FHIT: variants seen among roughly 807,000 people sequenced by gnomAD.
FHIT encodes fragile histidine triad diadenosine triphosphatase.
In FHIT, 19 loss-of-function variants were observed where a neutral mutation model predicts 17.9. The ratio of observed to expected loss-of-function variants is 1.06; its 90% CI spans 0.74 to 1.56. The LOEUF is 1.56. Ranked by LOEUF, FHIT falls within the 40% of genes most tolerant of loss-of-function variation. FHIT has a pLI of 0.00. For missense variants in FHIT, 248 were observed against 189.2 expected, an observed-to-expected ratio of 1.31 and a Z score of -1.82; for synonymous variants, 81 against 69.7, an observed-to-expected ratio of 1.16 and a Z score of -0.81.
chr3:60,927,121 T>C (rs1215714251), intron 3 of FHIT, among the ~76,000 whole-genome samples: 1 of 152,198 alleles, frequency 6.6e-6, no homozygotes. Flanking sequence ...TGCCTCAGCC[T>C]GCCGAGTGCC....
chr3:60,032,317 T>G (rs918781192), intron 5 of FHIT, among the ~76,000 whole-genome samples: 1 of 151,952 alleles, frequency 6.6e-6, no homozygotes, highest in African/African-American at 2.4e-5. Flanking sequence ...CTGGGCATAG[T>G]GGCGTGCACG....
At chr3:59,976,103 TC>T (rs1033154315) in intron 7 of FHIT, among the ~76,000 whole-genome samples, 4 of 152,062 alleles carry the variant, frequency 2.6e-5, no homozygotes, top group African/African-American at 9.7e-5. Flanking sequence ...ACTAACTGCA[TC>T]TTATCCCATA....
At chr3:60,544,495 T>C (rs2036295551) in intron 4 of FHIT, among the ~76,000 whole-genome samples, 1 of 152,154 alleles carries the variant, frequency 6.6e-6, no homozygotes, top group Non-Finnish European at 1.5e-5. Flanking sequence ...TTATGATTAA[T>C]TCAACTCCGT....
chr3:60,389,210 T>C (rs764577024), intron 5 of FHIT, among the ~76,000 whole-genome samples: 3 of 152,152 alleles, frequency 2.0e-5, no homozygotes, highest in Non-Finnish European at 4.4e-5. Context: ...CCCAGACTTG[T>C]TATGTTAGAA....
At chr3:61,051,651 A>G (rs1314532520) in intron 2 of FHIT, among the ~76,000 whole-genome samples, 1 of 152,164 alleles carries the variant, frequency 6.6e-6, no homozygotes, top group African/African-American at 2.4e-5. Flanking sequence ...GGCCCTGGAA[A>G]TGTTTCTGAT....
chr3:59,836,299 T>C (rs1465164652), intron 8 of FHIT, among the ~76,000 whole-genome samples: 2 of 152,190 alleles, frequency 1.3e-5, no homozygotes, highest in African/African-American at 2.4e-5. Flanking sequence ...TTATCCTTTG[T>C]GACTGCTGCA....
At chr3:61,087,583 A>G (rs1175923556) in intron 2 of FHIT, among the ~76,000 whole-genome samples, 1 of 152,206 alleles carries the variant, frequency 6.6e-6, no homozygotes, top group African/African-American at 2.4e-5. Context: ...TCCATAAACA[A>G]GAGCTATTGT....
intron 5 of FHIT, among the ~76,000 whole-genome samples, chr3:60,506,869 C>A (rs2034753554): frequency 6.6e-6 from 1 of 152,088 alleles, no homozygotes; most frequent in Admixed American, 6.6e-5. Flanking sequence ...TGTAAACTAC[C>A]AAGATTCCAG....
chr3:60,119,215 A>G (rs143771619), intron 5 of FHIT, among the ~76,000 whole-genome samples: 4,695 of 151,808 alleles, frequency 0.031, 82 homozygotes, highest in Non-Finnish European at 0.041. Flanking sequence ...CTGGGACTAC[A>G]GGTACCTGCC....
chr3:59,796,202 G>T (rs543300674), intron 8 of FHIT, among the ~76,000 whole-genome samples: 1 of 152,154 alleles, frequency 6.6e-6, no homozygotes, highest in Non-Finnish European at 1.5e-5. Flanking sequence ...CACATATGGC[G>T]TTAGGTCATT....
intron 8 of FHIT, among the ~76,000 whole-genome samples, chr3:59,874,666 T>C (rs866938835): frequency 6.2e-4 from 59 of 94,650 alleles, no homozygotes; most frequent in African/African-American, 2.2e-3. Context: ...TTGCTTAGGT[T>C]TTGTGTTTTT....
chr3:60,153,818 C>T (rs548061509), intron 5 of FHIT, among the ~76,000 whole-genome samples: 1 of 152,170 alleles, frequency 6.6e-6, no homozygotes, highest in Non-Finnish European at 1.5e-5. Flanking sequence ...GCCCTTCCAG[C>T]CCTGGCCAGG....
chr3:60,498,675 CAA>C (rs1559493923), intron 5 of FHIT, among the ~76,000 whole-genome samples: 1 of 152,116 alleles, frequency 6.6e-6, no homozygotes, highest in African/African-American at 2.4e-5. Context: ...CTGCACTAGG[CAA>C]AGTTGAACAA....
Position 60,337,829 on chromosome 3 carries a change from T to C in FHIT, c.103+199031A>G, listed in dbSNP as rs142841724. On this transcript the variant is annotated intron_variant, in intron 5 of 9. Coordinates refer to ENST00000492590, the MANE Select transcript of FHIT (RefSeq NM_002012.4). ...GAAAGACTCTTGGGGGACTGGAATG[T>C]CTGAAAATCCCATAAAGAAAACAGT... 4.6e-5 allele frequency among the ~76,000 whole-genome samples: 7 copies of C among 152,244 alleles called. No individual in the cohort carries two copies. In the East Asian group the frequency reaches 1.4e-3, roughly 29 times the overall value.
chr3:60,663,480 G>C (rs2040310402), intron 4 of FHIT, among the ~76,000 whole-genome samples: 1 of 151,608 alleles, frequency 6.6e-6, no homozygotes, highest in East Asian at 1.9e-4. Context: ...TTGTTGCCCA[G>C]GCTGGAGTGC....
chr3:60,377,888 G>A (rs1298948262), intron 5 of FHIT, among the ~76,000 whole-genome samples: 1 of 152,128 alleles, frequency 6.6e-6, no homozygotes, highest in Non-Finnish European at 1.5e-5. Flanking sequence ...AAGGAAAACT[G>A]AACAGTACAT....
chr3:60,769,097 T>G (rs1208364957), intron 4 of FHIT, among the ~76,000 whole-genome samples: 1 of 152,182 alleles, frequency 6.6e-6, no homozygotes, highest in Non-Finnish European at 1.5e-5. Context: ...CATATATTTA[T>G]ATGTACATAT....
At chr3:60,183,171 G>T (rs1252013963) in intron 5 of FHIT, among the ~76,000 whole-genome samples, 1 of 152,160 alleles carries the variant, frequency 6.6e-6, no homozygotes, top group Non-Finnish European at 1.5e-5. Flanking sequence ...GCCGAGGCGT[G>T]CACATCACTT....
At chr3:60,842,646 T>TATA (rs1491100730) in intron 3 of FHIT, among the ~76,000 whole-genome samples, 7,274 of 79,682 alleles carry the variant, frequency 0.091, 326 homozygotes, top group South Asian at 0.15. Context: ...TATATATATA[T>TATA]TTTTTTTTTT....
Sources: gnomAD v4.1 joint callset for allele counts (sites outside exome capture counted in the v4.1 genomes callset) on GRCh38, gnomAD v4.1.1 for gene constraint, MANE v1.5 for transcripts, NCBI Gene and HGNC (gene_info 2026-07-23, HGNC 2026-07-21) for gene names.